The following MNS1 variants were observed in gnomAD, a reference collection of about 807,000 sequenced individuals.
The protein encoded by MNS1 is meiosis specific nuclear structural 1.
A neutral mutation model predicts 72.0 loss-of-function variants in MNS1; 63 were observed. The ratio of observed to expected loss-of-function variants is 0.87; its 90% CI spans 0.71 to 1.08. The LOEUF (loss-of-function observed/expected upper bound fraction) is 1.08. Among genes scored for constraint, MNS1 ranks in the 50% least tolerant of loss-of-function variants. MNS1 has a pLI of 0.00. For synonymous variants in MNS1, 188 were observed against 172.1 expected (o/e 1.09, Z -0.72); for missense variants, 604 against 562.4 (o/e 1.07, Z -0.75).
intron 2 of MNS1, among the ~76,000 whole-genome samples, chr15:56,462,731 C>G (rs1459407847): frequency 6.6e-6 from 1 of 152,086 alleles, no homozygotes; most frequent in South Asian, 2.1e-4. Flanking sequence ...TAAAACAAAC[C>G]AACTGTAAAA....
At chr15:56,452,300 T>C (rs569413137) in intron 3 of MNS1, among the ~76,000 whole-genome samples, 24 of 152,260 alleles carry the variant, frequency 1.6e-4, no homozygotes, top group East Asian at 9.7e-4. Flanking sequence ...AAAAGGCCTC[T>C]ACCTGTGGAA....
At chr15:56,442,514 TAAATA>T (rs1174398770) in intron 7 of MNS1, among the ~76,000 whole-genome samples, 1 of 152,066 alleles carries the variant, frequency 6.6e-6, no homozygotes, top group African/African-American at 2.4e-5. Flanking sequence ...GTGGACTGGA[TAAATA>T]AAATGTGGTA....
At chr15:56,459,240 A>T (rs2051001700) in intron 2 of MNS1, among the ~76,000 whole-genome samples, 1 of 152,154 alleles carries the variant, frequency 6.6e-6, no homozygotes, top group African/African-American at 2.4e-5. Context: ...GGTTTATTTC[A>T]CTTAGCAAAA....
rs781242701 is a variant in MNS1 at position 56,434,282 on chromosome 15, A to G, written c.1125T>C (p.Phe375=). The change falls in exon 8 of 10, where the codon TTT becomes TTC. Residue 375 remains phenylalanine, a synonymous_variant. Coordinates refer to ENST00000260453, the MANE Select transcript of MNS1 (RefSeq NM_018365.4). ...LQAAKEEEEN[F]RKTMLAKFAE... is the part of the protein sequence containing the mutation. ...CAAATTTAGCTAGCATAGTTTTTCT[A>G]AAGTTCTCCTCTTCCTCTTTTGCAG... The G allele has an allele frequency of 2.5e-6, 4 of 1,613,942 alleles. No individual in the cohort carries two copies. The Admixed American group carries it at 6.7e-5, about 27-fold the overall frequency.
Position 56,432,259 on chromosome 15 carries a change from G to A in MNS1, c.1270-761C>T, listed in dbSNP as rs529389087. Among the ~76,000 whole-genome samples, 24 of 152,248 alleles carry A rather than the reference G, an allele frequency of 1.6e-4. No individual in the cohort carries two copies. The South Asian group carries it at 5.0e-3, about 32-fold the overall frequency. Reference sequence around the variant, plus strand: ...CCACATTCAATGTTTATCCTAAAAAGAAAAATTTATAGTAAATTAAATTGT... The same window carrying A: ...CCACATTCAATGTTTATCCTAAAAAAAAAAATTTATAGTAAATTAAATTGT... On this transcript the variant is annotated intron_variant, in intron 8 of 9. Coordinates refer to ENST00000260453, the MANE Select transcript of MNS1 (RefSeq NM_018365.4).
At chr15:56,446,727 T>G (rs1240518742) in intron 4 of MNS1, 114 bp downstream of exon 4, 1 of 712,380 alleles carries the variant, frequency 1.4e-6, no homozygotes, top group African/African-American at 1.8e-5. Context: ...TTACAAATAT[T>G]TAAGAAATCT....
chr15:56,438,850 C>T (rs2050772592), intron 7 of MNS1, among the ~76,000 whole-genome samples: 1 of 152,120 alleles, frequency 6.6e-6, no homozygotes, highest in East Asian at 1.9e-4. Flanking sequence ...AGACACTTCT[C>T]AAAAGAAGAC....
intron 7 of MNS1, among the ~76,000 whole-genome samples, chr15:56,439,933 A>C (rs2050791443): frequency 6.6e-6 from 1 of 152,150 alleles, no homozygotes; most frequent in South Asian, 2.1e-4. Flanking sequence ...TGCTCTAAGA[A>C]AAATCGTGCT....
Position 56,443,449 on chromosome 15 carries a change from A to G in MNS1, c.992T>C (p.Ile331Thr), listed in dbSNP as rs756376680. The change falls in exon 7 of 10, where the codon ATA becomes ACA. Residue 331 changes from isoleucine (I) to threonine (T), a missense_variant. Coordinates refer to ENST00000260453, the MANE Select transcript of MNS1 (RefSeq NM_018365.4). The stretch of plus-strand genomic sequence containing the variant: ...ACTTACTTTTAGCTTGCTCTTATAT[A>G]TTTCAGCTTGTTCTTCCTGGTATAA... ...QELYQEEQAE[I>T]YKSKLKEEAE... 8 of 1,587,136 alleles carry G rather than the reference A, an allele frequency of 5.0e-6. No homozygotes were observed. The African/African-American group carries it at 1.1e-4, about 22-fold the overall frequency.
chr15:56,443,608 CTAGTGT>C, intron 6 of MNS1, 24 bp downstream of exon 6: 1 of 1,594,100 alleles, frequency 6.3e-7, no homozygotes, highest in Non-Finnish European at 8.5e-7. Flanking sequence ...CAGAATTTTA[CTAGTGT>C]TAAAGAAGTG....
In MNS1 at chr15:56,434,277, T is replaced by C; in HGVS notation, c.1130A>G (p.Lys377Arg). The change falls in exon 8 of 10, where the codon AAA becomes AGA. Residue 377 changes from lysine to arginine, a missense_variant. By Grantham distance (26) the Lys-to-Arg change is conservative. Transcript: ENST00000260453. ...AAKEEEENFR[K>R]TMLAKFAEDD... ...CTCAGCAAATTTAGCTAGCATAGTT[T>C]TTCTAAAGTTCTCCTCTTCCTCTTT... 6.2e-7 allele frequency: 1 copy of C among 1,613,978 alleles called. No individual in the cohort carries two copies. The highest frequency in any genetic ancestry group is 8.5e-7 in the Non-Finnish European group (1 of 1,179,946).
rs773639742 is a variant in MNS1, at chr15:56,456,388, A to G, written c.353+6T>C. Reference sequence around the variant, plus strand: ...AAATAAATGAAATTTAGAGAAACCAAGATACCTGTTTTCTCTTACTTGTTG... The same window carrying G: ...AAATAAATGAAATTTAGAGAAACCAGGATACCTGTTTTCTCTTACTTGTTG... On this transcript the variant is annotated splice_donor_region_variant and intron_variant, in intron 3 of 9. Transcript: ENST00000260453. 1 of 1,600,272 alleles carries G rather than the reference A, an allele frequency of 6.2e-7. No homozygotes were observed. Among genetic ancestry groups the G allele is most frequent in the Non-Finnish European group, 8.5e-7 (1 of 1,176,496 alleles).
intron 2 of MNS1, among the ~76,000 whole-genome samples, chr15:56,460,013 C>T (rs1711491): frequency 0.39 from 13,150 of 33,410 alleles, 3,650 homozygotes; most frequent in African/African-American, 0.55. Context: ...AAAAAAAATA[C>T]ATATATATAT....
intron 3 of MNS1, among the ~76,000 whole-genome samples, chr15:56,454,190 A>G (rs1391168448): frequency 3.9e-5 from 6 of 152,148 alleles, no homozygotes; most frequent in Non-Finnish European, 5.9e-5. Flanking sequence ...TTTTTTGTAT[A>G]TACTCAAGCA....
intron 2 of MNS1, among the ~76,000 whole-genome samples, chr15:56,458,818 T>C (rs932391199): frequency 1.4e-4 from 21 of 152,314 alleles, no homozygotes; most frequent in African/African-American, 5.1e-4. Flanking sequence ...AATATTCCAT[T>C]GTCTGGATGT....
chr15:56,441,981 C>T (rs2140352925), intron 7 of MNS1, among the ~76,000 whole-genome samples: 1 of 152,098 alleles, frequency 6.6e-6, no homozygotes, highest in East Asian at 1.9e-4. Flanking sequence ...GATCACGCCA[C>T]TGCACTCCAA....
intron 7 of MNS1, among the ~76,000 whole-genome samples, chr15:56,438,267 GAT>G (rs1231598150): frequency 5.3e-5 from 8 of 151,942 alleles, no homozygotes; most frequent in African/African-American, 1.7e-4. Flanking sequence ...CCAAAACAGA[GAT>G]ATAGACCAAT....
intron 8 of MNS1, among the ~76,000 whole-genome samples, chr15:56,432,336 T>C (rs909164038): frequency 6.6e-6 from 1 of 152,154 alleles, no homozygotes; most frequent in Admixed American, 6.5e-5. Flanking sequence ...CTGAATAGCT[T>C]TGGTGTAGGA....
At chr15:56,435,372 A>C (rs969313396) in intron 7 of MNS1, among the ~76,000 whole-genome samples, 4 of 152,020 alleles carry the variant, frequency 2.6e-5, no homozygotes, top group African/African-American at 9.7e-5. Context: ...TATTGGTGAA[A>C]CAAAAGGCTG....
Sources: allele counts gnomAD v4.1 joint callset (sites outside exome capture counted in the v4.1 genomes callset), GRCh38; gene constraint gnomAD v4.1.1; transcripts MANE v1.5; gene names NCBI Gene and HGNC (gene_info 2026-07-23, HGNC 2026-07-21).